The following PDGFRB variants were observed in gnomAD, a reference collection of about 807,000 sequenced individuals.
PDGFRB encodes the protein platelet derived growth factor receptor beta.
Under a neutral mutation model 120.2 loss-of-function variants are expected in PDGFRB, and 42 were observed. That is an observed-to-expected ratio of 0.35 (90% CI 0.27 to 0.45). The LOEUF (loss-of-function observed/expected upper bound fraction) is 0.45, where lower values mean the gene tolerates loss of function less well. Ranked by LOEUF, PDGFRB falls within the 20% of genes least tolerant of loss-of-function variation. The probability of loss-of-function intolerance (pLI) is 1.00; values close to 1 mark genes in which losing one functional copy is unlikely to be tolerated. For synonymous variants in PDGFRB, 586 were observed against 606.8 expected, an observed-to-expected ratio of 0.97 and a Z score of 0.50; for missense variants, 1,149 against 1,476.3, an observed-to-expected ratio of 0.78 and a Z score of 3.63.
At position 150,121,625 on chromosome 5, in the gene PDGFRB, C is replaced by T. The variant is rs757615644; in HGVS notation, c.2344+255G>A. Among the ~76,000 whole-genome samples the T allele has an allele frequency of 2.0e-5, 3 of 152,252 alleles. No individual in the cohort carries two copies. On this transcript the variant is annotated intron_variant, in intron 16 of 22. Coordinates refer to ENST00000261799, the MANE Select transcript of PDGFRB (RefSeq NM_002609.4). This position sits in a 1 kb window ranked among gnomAD's most constrained non-coding sequence, Gnocchi z 4.1. ...GCTGAGTAGATCACTTTCCCTACCA[C>T]GACAAAAGGCCAGGTCCTCCCATAT...
rs765611204 is a variant in PDGFRB, at chr5:150,115,839, G to A, written c.3245C>T (p.Pro1082Leu). Residue 1082 changes from proline to leucine, a missense_variant, in exon 23 of 23, where the codon CCG becomes CTG. Pro to Leu is a moderately conservative substitution (Grantham distance 98). Coordinates refer to ENST00000261799, the MANE Select transcript of PDGFRB (RefSeq NM_002609.4). ...CGGCAACTGTTCCAGCTCTGGCTCC[G>A]GCTCCACCTGGAGCTCAAGCTGGGG... Reference protein sequence around the residue: ...PEPQLELQVEPEPELEQLPDS... With the variant: ...PEPQLELQVELEPELEQLPDS... 19 of 1,612,394 alleles carry A rather than the reference G, an allele frequency of 1.2e-5. No individual in the cohort carries two copies. Among genetic ancestry groups the A allele is most frequent in the African/African-American group, 2.7e-5 (2 of 74,876 alleles).
At position 150,124,323 on chromosome 5, in the gene PDGFRB, C is replaced by T. The variant is rs370147161; in HGVS notation, c.1950G>A (p.Ser650=). The change falls in exon 14 of 23, where the codon TCG becomes TCA. Residue 650 remains serine (S), a synonymous_variant. Coordinates refer to ENST00000261799, the MANE Select transcript of PDGFRB (RefSeq NM_002609.4). ...CAAGGTGACTCATGATCTTCAGCTC[C>T]GACATAAGGGCTTGCTTCTCACTGC... ...ARSSEKQALM[S]ELKIMSHLGP... 4.0e-5 allele frequency: 64 copies of T among 1,614,004 alleles called. 1 individual carries two copies. The Middle Eastern group carries it at 9.9e-4, about 25-fold the overall frequency.
chr5:150,148,389 G>A (rs758450150), intron 1 of PDGFRB, among the ~76,000 whole-genome samples: 2 of 152,224 alleles, frequency 1.3e-5, no homozygotes, highest in Non-Finnish European at 2.9e-5. Flanking sequence ...CTGGGCCCTC[G>A]GCTGCCTCCT....
At chr5:150,125,373 G>C in intron 12 of PDGFRB, 72 bp downstream of exon 12, 1 of 1,402,238 alleles carries the variant, frequency 7.1e-7, no homozygotes, top group Non-Finnish European at 9.8e-7. Context: ...GCAAGGCTGG[G>C]ACCAGACCTC....
In PDGFRB at chr5:150,121,825, G is replaced by T; in HGVS notation, c.2344+55C>A. On this transcript the variant is annotated intron_variant, in intron 16 of 22. Coordinates refer to ENST00000261799, the MANE Select transcript of PDGFRB (RefSeq NM_002609.4). The surrounding 1 kb of genome is among the most constrained non-coding windows in gnomAD (Gnocchi z 4.1). Reference sequence around the variant, plus strand: ...CAGGGTTTTTGGCAAGGCTGGGCATGTGAAGAGCATCAGCCTGTTTGGATG... The same window carrying T: ...CAGGGTTTTTGGCAAGGCTGGGCATTTGAAGAGCATCAGCCTGTTTGGATG... The T allele has an allele frequency of 7.4e-7, 1 of 1,352,610 alleles. No homozygotes were observed. Among genetic ancestry groups the T allele is most frequent in the Non-Finnish European group, 1.1e-6 (1 of 949,022 alleles). The allele number at this position is 1,352,610 out of a possible 1,614,324, so 83.8% of individuals were successfully genotyped here. A position where few individuals can be genotyped will look rare whatever the true frequency, so the allele number is the denominator to read the frequency against.
At chr5:150,133,850 C>T (rs1324612299) in intron 5 of PDGFRB, 31 bp downstream of exon 5, 4 of 1,613,666 alleles carry the variant, frequency 2.5e-6, no homozygotes, top group African/African-American at 2.7e-5. Context: ...TTCCTGGCCC[C>T]TCCTCCGACC....
chr5:150,134,368 G>A (rs752434947), intron 4 of PDGFRB, among the ~76,000 whole-genome samples: 2 of 152,182 alleles, frequency 1.3e-5, no homozygotes, highest in Non-Finnish European at 2.9e-5. Flanking sequence ...ATCCTATGAG[G>A]TAGGCAGCCA....
chr5:150,145,903 C>T (rs755885129), intron 1 of PDGFRB, among the ~76,000 whole-genome samples: 2 of 152,106 alleles, frequency 1.3e-5, no homozygotes, highest in African/African-American at 2.4e-5. Flanking sequence ...AAAATAAAGT[C>T]GTCAGCCTTA....
chr5:150,137,598 G>A (rs1424046948), intron 1 of PDGFRB: 1 of 156,754 alleles, frequency 6.4e-6, no homozygotes, highest in Non-Finnish European at 1.4e-5. Flanking sequence ...GGGGAGCCGG[G>A]GCTGTGGAAT....
In PDGFRB at chr5:150,115,803, C is replaced by T. The variant is rs571909632; in HGVS notation, c.3281G>A (p.Cys1094Tyr). Residue 1094 changes from cysteine (C) to tyrosine (Y), a missense_variant, in exon 23 of 23, where the codon TGC becomes TAC. Cys to Tyr is a radical substitution (Grantham distance 194, BLOSUM62 -2). Coordinates refer to ENST00000261799, the MANE Select transcript of PDGFRB (RefSeq NM_002609.4). Reference protein sequence around the residue: ...PELEQLPDSGCPAPRAEAEDS... With the variant: ...PELEQLPDSGYPAPRAEAEDS... ...CTCTGCTTCCGCCCGAGGCGCAGGGCACCCCGAATCCGGCAACTGTTCCAG... is the reference window on the plus strand; with the variant it reads ...CTCTGCTTCCGCCCGAGGCGCAGGGTACCCCGAATCCGGCAACTGTTCCAG... The T allele has an allele frequency of 7.4e-6, 12 of 1,612,030 alleles. No homozygotes were observed. The African/African-American group carries it at 1.5e-4, about 20-fold the overall frequency.
At chr5:150,126,755 A>T in intron 10 of PDGFRB, 141 bp from the exon 11 acceptor site, 1 of 667,820 alleles carries the variant, frequency 1.5e-6, no homozygotes. Flanking sequence ...GCAGTGTCAG[A>T]CCCTCAGCAT....
intron 6 of PDGFRB, 119 bp from the exon 7 acceptor site, chr5:150,133,061 C>T (rs970432072): frequency 4.2e-6 from 3 of 716,664 alleles, no homozygotes; most frequent in African/African-American, 3.6e-5. Flanking sequence ...CATGGAGTTT[C>T]CGGAGCTGAG....
chr5:150,121,138 A>C lies in PDGFRB; in HGVS notation c.2463+66T>G. The C allele has an allele frequency of 7.4e-7, 1 of 1,354,016 alleles. No individual in the cohort carries two copies. Among genetic ancestry groups the C allele is most frequent in the Non-Finnish European group, 1.1e-6 (1 of 942,822 alleles). The allele number at this position is 1,354,016 out of a possible 1,614,324, so 83.9% of individuals were successfully genotyped here. A position where few individuals can be genotyped will look rare whatever the true frequency, so the allele number is the denominator to read the frequency against. Reference sequence around the variant, plus strand: ...GGCCACCCTGGTGTGCTCTTGGAGGATGCTGGCTGGCTGGGTGACCCACCT... The same window carrying C: ...GGCCACCCTGGTGTGCTCTTGGAGGCTGCTGGCTGGCTGGGTGACCCACCT... On this transcript the variant is annotated intron_variant, in intron 17 of 22. Transcript: ENST00000261799. This position sits in a 1 kb window ranked among gnomAD's most constrained non-coding sequence, Gnocchi z 4.1.
At position 150,115,421 on chromosome 5, in the gene PDGFRB, G is replaced by C. The variant is rs6887454; in HGVS notation, c.*342C>G. 1 of 261,376 alleles carries C rather than the reference G, an allele frequency of 3.8e-6. No homozygotes were observed. The highest frequency in any genetic ancestry group is 2.2e-5 in the African/African-American group (1 of 46,228). 16.2% of individuals were successfully genotyped at this position (261,376 alleles called of 1,614,324 possible). On this transcript the variant is annotated 3_prime_UTR_variant, in exon 23 of 23. Transcript: ENST00000261799. ...CAAGAATCTTCCCAGGGAGGGATTC[G>C]GTCTCCCCACCTGTCAGCCAGGGAG...
chr5:150,123,095 C>G lies in PDGFRB; in HGVS notation c.2130G>C (p.Pro710=), dbSNP rs750433827. The G allele has an allele frequency of 2.5e-6, 4 of 1,613,842 alleles. No homozygotes were observed. The highest frequency in any genetic ancestry group is 2.7e-5 in the African/African-American group (2 of 75,062). The part of the protein sequence containing the change: ...FLQHHSDKRR[P]PSAELYSNAL... ...CATTGCTGTAGAGCTCCGCGCTGGG[C>G]GGGCGGCGCTTGTCGGAGTGGTGCT... is the stretch of plus-strand genomic sequence containing the variant. Residue 710 remains proline, a synonymous_variant, in exon 15 of 23, where the codon CCG becomes CCC. Coordinates refer to ENST00000261799, the MANE Select transcript of PDGFRB (RefSeq NM_002609.4).
At chr5:150,124,688 G>A (rs1037662148) in intron 13 of PDGFRB, 39 bp downstream of exon 13, 15 of 979,150 alleles carry the variant, frequency 1.5e-5, no homozygotes, top group Non-Finnish European at 2.4e-5. Context: ...GCAGGGAGAG[G>A]TGAAGGCCCA....
At chr5:150,146,595 G>A (rs1483168893) in intron 1 of PDGFRB, among the ~76,000 whole-genome samples, 1 of 152,160 alleles carries the variant, frequency 6.6e-6, no homozygotes, top group Admixed American at 6.5e-5. Flanking sequence ...CCACGCTGGA[G>A]TACAGTGGTG....
rs571532493 is a variant in PDGFRB at position 150,122,383 on chromosome 5, A to G, written c.2184-343T>C. On this transcript the variant is annotated intron_variant, in intron 15 of 22. Transcript: ENST00000261799. The stretch of plus-strand genomic sequence containing the variant: ...GGAGTGCCTGACTGCAACCCAGCAT[A>G]GGCAGCCAGGATTCACCCCGCTACC... 4.3e-4 allele frequency: 119 copies of G among 279,514 alleles called. 1 individual carries two copies. Among genetic ancestry groups the G allele is most frequent in the African/African-American group, 2.4e-3 (110 of 46,256 alleles). The allele number at this position is 279,514 out of a possible 1,614,324, so 17.3% of individuals were successfully genotyped here. A position where few individuals can be genotyped will look rare whatever the true frequency, so the allele number is the denominator to read the frequency against.
At chr5:150,119,388 TC>T (rs1284101193) in intron 20 of PDGFRB, 78 bp downstream of exon 20, 5 of 819,884 alleles carry the variant, frequency 6.1e-6, no homozygotes, top group Non-Finnish European at 1.1e-5. Flanking sequence ...AAATCTCTCA[TC>T]TTTGGTTTAA....
Sources: gnomAD v4.1 joint callset for allele counts (sites outside exome capture counted in the v4.1 genomes callset) on GRCh38, gnomAD v4.1.1 for gene constraint, Gnocchi (gnomAD v3.1) non-coding constraint, MANE v1.5 for transcripts, NCBI Gene and HGNC (gene_info 2026-07-23, HGNC 2026-07-21) for gene names.